Variants in ARHGAP42 observed in about 807,000 individuals in gnomAD.
ARHGAP42 encodes rho GTPase-activating protein 42.
Under a neutral mutation model 125.0 loss-of-function variants are expected in ARHGAP42, and 63 were observed. That is an observed-to-expected ratio of 0.50 (90% CI 0.41 to 0.62). The LOEUF (loss-of-function observed/expected upper bound fraction) is 0.62, where lower values mean the gene tolerates loss of function less well. Ranked by LOEUF, ARHGAP42 falls within the 20% of genes least tolerant of loss-of-function variation. The probability of loss-of-function intolerance (pLI) is 0.00; values close to 1 mark genes in which losing one functional copy is unlikely to be tolerated. For missense variants in ARHGAP42, 766 were observed against 1,024.2 expected (o/e 0.75, Z 3.44); for synonymous variants, 339 against 351.0 (o/e 0.97, Z 0.38).
chr11:100,806,911 C>T (rs913933555), intron 3 of ARHGAP42, among the ~76,000 whole-genome samples: 3 of 147,580 alleles, frequency 2.0e-5, no homozygotes, highest in African/African-American at 5.0e-5. Flanking sequence ...GCGTTGGCAC[C>T]GTCTTGGCTC....
intron 2 of ARHGAP42, among the ~76,000 whole-genome samples, chr11:100,778,746 T>C (rs562580337): frequency 6.6e-6 from 1 of 152,306 alleles, no homozygotes; most frequent in South Asian, 2.1e-4. Flanking sequence ...TTGACTTAAT[T>C]TGAAATTCAA....
At chr11:100,746,990 A>G (rs570482004) in intron 1 of ARHGAP42, among the ~76,000 whole-genome samples, 1 of 152,246 alleles carries the variant, frequency 6.6e-6, no homozygotes, top group Admixed American at 6.5e-5. Flanking sequence ...CTCAGTGGTT[A>G]GCAGCACAAG....
chr11:100,983,812 A>G (rs1165039571), intron 22 of ARHGAP42, among the ~76,000 whole-genome samples: 1 of 152,176 alleles, frequency 6.6e-6, no homozygotes, highest in Admixed American at 6.5e-5. Context: ...TTGGAAAAAA[A>G]TCTTTGAAAA....
chr11:100,953,281 A>G (rs1457723267), intron 12 of ARHGAP42, among the ~76,000 whole-genome samples: 1 of 152,126 alleles, frequency 6.6e-6, no homozygotes, highest in Non-Finnish European at 1.5e-5. Flanking sequence ...TATCCTCCAT[A>G]ATTCAGATGG....
intron 2 of ARHGAP42, among the ~76,000 whole-genome samples, chr11:100,788,728 G>A (rs1863493290): frequency 6.6e-6 from 1 of 152,132 alleles, no homozygotes; most frequent in Non-Finnish European, 1.5e-5. Flanking sequence ...GAGAGTTGGT[G>A]TCACTTTTAA....
chr11:100,731,859 A>G (rs1171845349), intron 1 of ARHGAP42, among the ~76,000 whole-genome samples: 1 of 152,164 alleles, frequency 6.6e-6, no homozygotes, highest in East Asian at 1.9e-4. Context: ...CACCATCTCA[A>G]AGAAAGTTGA....
At position 100,844,429 on chromosome 11, in the gene ARHGAP42, A is replaced by G. The variant is rs557318714; in HGVS notation, c.313-15125A>G. Among the ~76,000 whole-genome samples, 13 of 148,020 alleles carry G rather than the reference A, an allele frequency of 8.8e-5. 1 individual carries two copies. Among genetic ancestry groups the G allele is most frequent in the Middle Eastern group, 6.8e-3 (2 of 294 alleles). On this transcript the variant is annotated intron_variant, in intron 3 of 23. Coordinates refer to ENST00000298815, the MANE Select transcript of ARHGAP42 (RefSeq NM_152432.4). ...AAGAGCCCAAAAGCAAATACAATAG[A>G]AACAAAGATAAATAGCTGGGACTTA...
At chr11:100,761,407 T>G (rs1023784585) in intron 1 of ARHGAP42, among the ~76,000 whole-genome samples, 4 of 152,226 alleles carry the variant, frequency 2.6e-5, no homozygotes, top group Non-Finnish European at 5.9e-5. Context: ...CTTTACCCAC[T>G]CTTTTCAAGT....
chr11:100,844,043 A>G (rs550401798), intron 3 of ARHGAP42, among the ~76,000 whole-genome samples: 1 of 152,202 alleles, frequency 6.6e-6, no homozygotes, highest in Non-Finnish European at 1.5e-5. Flanking sequence ...ACCTGATTTC[A>G]AACTATACAA....
chr11:100,899,722 G>GT (rs767815247), intron 4 of ARHGAP42, among the ~76,000 whole-genome samples: 833 of 66,832 alleles, frequency 0.012, 5 homozygotes, highest in Middle Eastern at 0.019. Flanking sequence ...TTTGTGTTTT[G>GT]TTTTTTTTTT....
chr11:100,801,687 G>A (rs191418886), intron 3 of ARHGAP42, among the ~76,000 whole-genome samples: 6 of 152,214 alleles, frequency 3.9e-5, no homozygotes, highest in Admixed American at 1.3e-4. Flanking sequence ...CAACAAAAAA[G>A]CACCTGAGAA....
chr11:100,815,900 T>C (rs1325623490), intron 3 of ARHGAP42, among the ~76,000 whole-genome samples: 2 of 152,204 alleles, frequency 1.3e-5, no homozygotes, highest in African/African-American at 2.4e-5. Context: ...AATTATATAG[T>C]ATTTGTCTTT....
At chr11:100,697,420 G>T (rs967583601) in intron 1 of ARHGAP42, among the ~76,000 whole-genome samples, 8 of 152,222 alleles carry the variant, frequency 5.3e-5, no homozygotes, top group African/African-American at 1.9e-4. Flanking sequence ...CTGACCTCGT[G>T]ATCCGCCCGC....
At chr11:100,984,845 C>T (rs1224707775) in intron 22 of ARHGAP42, among the ~76,000 whole-genome samples, 1 of 152,028 alleles carries the variant, frequency 6.6e-6, no homozygotes, top group African/African-American at 2.4e-5. Context: ...CTCTTCAATA[C>T]ACCAAGACAG....
chr11:100,964,911 G>A (rs694078), intron 16 of ARHGAP42, among the ~76,000 whole-genome samples: 135,606 of 152,142 alleles, frequency 0.89, 60,564 homozygotes, highest in East Asian at 1. Context: ...GGAGCTCTCT[G>A]TGGGTGTATT....
chr11:100,863,051 AAACAC>A (rs1172123398), intron 4 of ARHGAP42, among the ~76,000 whole-genome samples: 24 of 71,944 alleles, frequency 3.3e-4, no homozygotes, highest in South Asian at 1.3e-3. Flanking sequence ...AAAAAAAAAA[AAACAC>A]AAAACACACA....
At chr11:100,882,726 C>G (rs534846133) in intron 4 of ARHGAP42, among the ~76,000 whole-genome samples, 2 of 152,116 alleles carry the variant, frequency 1.3e-5, no homozygotes, top group African/African-American at 4.8e-5. Context: ...CTGTCTGGTC[C>G]TGGACTTTTT....
chr11:100,980,954 C>G (rs1319861357), intron 22 of ARHGAP42, among the ~76,000 whole-genome samples: 1 of 152,148 alleles, frequency 6.6e-6, no homozygotes, highest in Non-Finnish European at 1.5e-5. Flanking sequence ...TTAGAGCTCA[C>G]TCAGCTCTAC....
chr11:100,731,416 A>G (rs1292657145), intron 1 of ARHGAP42, among the ~76,000 whole-genome samples: 1 of 152,150 alleles, frequency 6.6e-6, no homozygotes, highest in Non-Finnish European at 1.5e-5. Context: ...CCTAGAGTGC[A>G]GGGATTACAG....
Sources: allele counts gnomAD v4.1 joint callset (sites outside exome capture counted in the v4.1 genomes callset), GRCh38; gene constraint gnomAD v4.1.1; transcripts MANE v1.5; gene names NCBI Gene and HGNC (gene_info 2026-07-23, HGNC 2026-07-21).